TDRD5: variants seen among roughly 807,000 people sequenced by gnomAD.
The protein encoded by TDRD5 is tudor domain-containing protein 5.
Under a neutral mutation model 120.6 loss-of-function variants are expected in TDRD5, and 41 were observed. That is an observed-to-expected ratio of 0.34 (90% CI 0.26 to 0.44). TDRD5 has a LOEUF of 0.44. Among genes scored for constraint, TDRD5 ranks in the 20% least tolerant of loss-of-function variants. The pLI is 1.00. For missense variants in TDRD5, 1,006 were observed against 1,221.2 expected (o/e 0.82, Z 2.63); for synonymous variants, 430 against 433.7 (o/e 0.99, Z 0.11).
At position 179,669,382 on chromosome 1, in the gene TDRD5, C is replaced by T. The variant is rs780844485; in HGVS notation, c.2838C>T (p.Ser946=). 4.6e-5 allele frequency: 75 copies of T among 1,613,980 alleles called. No individual in the cohort carries two copies. Among genetic ancestry groups the T allele is most frequent in the South Asian group, 4.1e-4 (37 of 91,082 alleles). ...GTTCAACAACTGCAGTGGATGATTC[C>T]GCAGAAAAGCCCTCTGGTTCTGGTA... ...APCSTTAVDD[S]AEKPSGSVES... Residue 946 remains serine, a synonymous_variant, in exon 17 of 18, where the codon TCC becomes TCT. Transcript: ENST00000444136.
chr1:179,690,756 T>C lies in TDRD5; in HGVS notation c.2921T>C (p.Leu974Ser). Residue 974 changes from leucine (L) to serine (S), a missense_variant, in exon 18 of 18, where the codon TTG (leucine) becomes TCG (serine). Transcript: ENST00000444136. The stretch of plus-strand genomic sequence containing the variant: ...TTTTCTAGCAGCCGTGCTATTACAT[T>C]GTACAAAGACAAGCGTCAAGAATCT... ...EDFSSSRAIT[L>S]YKDKRQESVD... 6.2e-7 allele frequency: 1 copy of C among 1,614,228 alleles called. No homozygotes were observed. The highest frequency in any genetic ancestry group is 8.5e-7 in the Non-Finnish European group (1 of 1,180,040).
At chr1:179,639,252 C>T (rs550398661) in intron 9 of TDRD5, among the ~76,000 whole-genome samples, 9 of 152,136 alleles carry the variant, frequency 5.9e-5, no homozygotes, top group East Asian at 3.9e-4. Context: ...GAAACTGAAG[C>T]GCAGAAAGAT....
intron 16 of TDRD5, among the ~76,000 whole-genome samples, chr1:179,668,985 C>A (rs1679712261): frequency 6.6e-6 from 1 of 151,982 alleles, no homozygotes; most frequent in Non-Finnish European, 1.5e-5. Context: ...ACCTCGTGAT[C>A]CGCCCGCCTC....
At chr1:179,622,095 T>C (rs903857635) in intron 6 of TDRD5, among the ~76,000 whole-genome samples, 2 of 152,240 alleles carry the variant, frequency 1.3e-5, no homozygotes, top group East Asian at 1.9e-4. Flanking sequence ...TAGAGTTTTG[T>C]GAAGTTTAAA....
intron 5 of TDRD5, among the ~76,000 whole-genome samples, chr1:179,619,028 A>T (rs1676708161): frequency 6.6e-6 from 1 of 152,092 alleles, no homozygotes; most frequent in Non-Finnish European, 1.5e-5. Flanking sequence ...CATTACATTG[A>T]TGTACCCTGT....
At chr1:179,593,296 G>T (rs1675215015) in intron 2 of TDRD5, among the ~76,000 whole-genome samples, 164 bp from the exon 3 acceptor site, 2 of 152,180 alleles carry the variant, frequency 1.3e-5, no homozygotes, top group South Asian at 2.1e-4. Flanking sequence ...CTAGCAAGCT[G>T]TTGCCCAAAA....
intron 14 of TDRD5, among the ~76,000 whole-genome samples, chr1:179,659,610 AT>A (rs1679191935): frequency 6.9e-6 from 1 of 145,636 alleles, no homozygotes; most frequent in Admixed American, 6.9e-5. Context: ...TGCCTGGTAT[AT>A]TTTTTTCCAT....
intron 2 of TDRD5, 65 bp from the exon 3 acceptor site, chr1:179,593,395 A>G (rs942454684): frequency 6.6e-7 from 1 of 1,510,436 alleles, no homozygotes; most frequent in African/African-American, 1.4e-5. Context: ...ATAAACACAG[A>G]TACTAAGGAT....
intron 11 of TDRD5, among the ~76,000 whole-genome samples, chr1:179,643,684 A>T (rs1678179111): frequency 6.6e-6 from 1 of 152,206 alleles, no homozygotes; most frequent in Non-Finnish European, 1.5e-5. Context: ...GTGAAAATGG[A>T]CAGAGACTTA....
At chr1:179,643,175 A>G (rs1049135419) in intron 11 of TDRD5, among the ~76,000 whole-genome samples, 3 of 152,220 alleles carry the variant, frequency 2.0e-5, no homozygotes, top group Non-Finnish European at 2.9e-5. Context: ...TTCTGTTGCT[A>G]CAGACTGCAG....
At chr1:179,671,951 TGTG>T (rs1308830315) in intron 17 of TDRD5, among the ~76,000 whole-genome samples, 1 of 56,568 alleles carries the variant, frequency 1.8e-5, no homozygotes, top group East Asian at 5.6e-4. Context: ...TATTCCATGG[TGTG>T]TGTGTGTGTG....
At chr1:179,592,945 A>G in intron 2 of TDRD5, 98 bp downstream of exon 2, 1 of 1,248,744 alleles carries the variant, frequency 8.0e-7, no homozygotes, top group Non-Finnish European at 1.1e-6. Context: ...CATCCCAGCC[A>G]GTGGATTTTA....
chr1:179,624,529 C>T (rs773960063), intron 6 of TDRD5, among the ~76,000 whole-genome samples: 2 of 152,020 alleles, frequency 1.3e-5, no homozygotes, highest in Non-Finnish European at 2.9e-5. Flanking sequence ...ACTAAGGAAT[C>T]CATGAAAAAG....
At chr1:179,611,298 C>T (rs1205642836) in intron 4 of TDRD5, among the ~76,000 whole-genome samples, 2 of 152,020 alleles carry the variant, frequency 1.3e-5, no homozygotes, top group African/African-American at 2.4e-5. Context: ...ATGTCTGCCT[C>T]GGCCTCCCAA....
chr1:179,635,579 G>A, intron 8 of TDRD5, 88 bp from the exon 9 acceptor site: 1 of 1,177,252 alleles, frequency 8.5e-7, no homozygotes. Flanking sequence ...TTCTGATAAA[G>A]GTGATTCATG....
chr1:179,641,194 G>A (rs1283826957), intron 11 of TDRD5, among the ~76,000 whole-genome samples: 1 of 151,948 alleles, frequency 6.6e-6, no homozygotes, highest in South Asian at 2.1e-4. Flanking sequence ...CTTATCAGTT[G>A]CTCACATATA....
intron 16 of TDRD5, among the ~76,000 whole-genome samples, chr1:179,668,226 C>T (rs540748140): frequency 6.6e-6 from 1 of 152,302 alleles, no homozygotes; most frequent in Admixed American, 6.5e-5. Flanking sequence ...TCATCTTTTT[C>T]TCTCAAACCC....
intron 17 of TDRD5, 61 bp from the exon 18 acceptor site, chr1:179,690,635 A>G: frequency 6.4e-7 from 1 of 1,564,024 alleles, no homozygotes; most frequent in Non-Finnish European, 8.7e-7. Context: ...AGAATGGGGG[A>G]GAGGAGGCAG....
intron 17 of TDRD5, among the ~76,000 whole-genome samples, chr1:179,679,339 T>A (rs553235999): frequency 4.6e-5 from 7 of 152,272 alleles, no homozygotes; most frequent in African/African-American, 1.7e-4. Flanking sequence ...TTTTATAATG[T>A]CTTTGTCTGG....
Sources: allele counts gnomAD v4.1 joint callset (sites outside exome capture counted in the v4.1 genomes callset), GRCh38; gene constraint gnomAD v4.1.1; transcripts MANE v1.5; gene names NCBI Gene and HGNC (gene_info 2026-07-23, HGNC 2026-07-21).